The following CMPK1 variants were observed in gnomAD, a reference collection of about 807,000 sequenced individuals.
CMPK1 encodes UMP-CMP kinase.
CMPK1 carries 10 observed loss-of-function variants against 25.7 expected under a neutral mutation model. The observed-to-expected ratio is 0.39, with a 90% CI of 0.24 to 0.66. CMPK1 has a LOEUF of 0.66. Among genes scored for constraint, CMPK1 ranks in the 30% least tolerant of loss-of-function variants. The pLI is 0.48. For missense variants in CMPK1, 199 were observed against 280.5 expected (o/e 0.71, Z 2.08); for synonymous variants, 106 against 101.5 (o/e 1.04, Z -0.27).
intron 2 of CMPK1, 142 bp downstream of exon 2, chr1:47,368,757 C>G (rs564027098): frequency 1.3e-6 from 1 of 751,504 alleles, no homozygotes; most frequent in African/African-American, 1.8e-5. Flanking sequence ...GCCAGGAATT[C>G]AAGACCAGCC....
intron 1 of CMPK1, among the ~76,000 whole-genome samples, chr1:47,354,158 A>T (rs1439776661): frequency 6.6e-6 from 1 of 152,078 alleles, no homozygotes; most frequent in African/African-American, 2.4e-5. Flanking sequence ...CCCCATCTCT[A>T]CAAAAAATAA....
At chr1:47,345,262 G>C (rs899202547) in intron 1 of CMPK1, among the ~76,000 whole-genome samples, 2 of 151,634 alleles carry the variant, frequency 1.3e-5, no homozygotes, top group East Asian at 3.9e-4. Context: ...TCATCCTTCA[G>C]ATCTTAGCTT....
intron 2 of CMPK1, among the ~76,000 whole-genome samples, chr1:47,370,642 T>TA (rs35175280): frequency 0.27 from 36,086 of 133,720 alleles, 5,422 homozygotes; most frequent in East Asian, 0.58. Flanking sequence ...CTCTGTTTCT[T>TA]AAAAAAAAAA....
intron 1 of CMPK1, among the ~76,000 whole-genome samples, chr1:47,341,584 G>T (rs1172624311): frequency 6.6e-6 from 1 of 152,004 alleles, no homozygotes; most frequent in East Asian, 1.9e-4. Flanking sequence ...TTTCTTTATA[G>T]CAGTGTGAGA....
intron 1 of CMPK1, among the ~76,000 whole-genome samples, chr1:47,341,656 T>G (rs952673828): frequency 6.6e-6 from 1 of 152,134 alleles, no homozygotes; most frequent in Non-Finnish European, 1.5e-5. Context: ...ATTTATTTAT[T>G]TGGACAGAGT....
At chr1:47,372,132 C>T (rs1175953388) in intron 2 of CMPK1, among the ~76,000 whole-genome samples, 2 of 150,602 alleles carry the variant, frequency 1.3e-5, no homozygotes, top group East Asian at 3.9e-4. Context: ...CTCACTCTGT[C>T]CGCCAGGCTG....
intron 1 of CMPK1, among the ~76,000 whole-genome samples, chr1:47,363,023 G>A (rs1209123518): frequency 1.3e-5 from 2 of 152,182 alleles, no homozygotes. Context: ...AGGAAAGTAA[G>A]TTCCCCAGGG....
At chr1:47,372,456 G>C (rs1212866070) in intron 2 of CMPK1, among the ~76,000 whole-genome samples, 1 of 152,168 alleles carries the variant, frequency 6.6e-6, no homozygotes, top group African/African-American at 2.4e-5. Flanking sequence ...TGAATTATAT[G>C]AATAGCAGAG....
intron 1 of CMPK1, among the ~76,000 whole-genome samples, chr1:47,346,528 G>A (rs1215012838): frequency 6.7e-6 from 1 of 150,216 alleles, no homozygotes; most frequent in Non-Finnish European, 1.5e-5. Flanking sequence ...TTTTGAGTCG[G>A]AGTTTCACTC....
At chr1:47,359,389 T>TTTC (rs1646586124) in intron 1 of CMPK1, among the ~76,000 whole-genome samples, 2 of 137,994 alleles carry the variant, frequency 1.4e-5, no homozygotes, top group African/African-American at 5.7e-5. Context: ...CTTTTTTCTT[T>TTTC]TTTTTTTTTT....
In CMPK1 at chr1:47,374,874, A is replaced by G. The variant is rs771520158; in HGVS notation, c.472-35A>G. ...CAGGTTAAAAGAATGGCAAATTCAT[A>G]TCTATATTTTTAATAACTTTGTATC... is the stretch of plus-strand genomic sequence containing the variant. On this transcript the variant is annotated intron_variant, in intron 3 of 5. Coordinates refer to ENST00000371873, the MANE Select transcript of CMPK1 (RefSeq NM_016308.3). The G allele has an allele frequency of 2.8e-5, 42 of 1,504,104 alleles. No homozygotes were observed. The Admixed American group carries it at 6.5e-4, about 23-fold the overall frequency. 93.2% of individuals were successfully genotyped at this position (1,504,104 alleles called of 1,614,324 possible).
intron 1 of CMPK1, 31 bp from the exon 2 acceptor site, chr1:47,368,438 C>G (rs1646654177): frequency 1.3e-6 from 2 of 1,560,836 alleles, no homozygotes. Context: ...TGAATGAATT[C>G]TGATATTTTT....
In CMPK1 at chr1:47,334,043, T is replaced by C; in HGVS notation, c.98T>C (p.Met33Thr). 6.4e-7 allele frequency: 1 copy of C among 1,553,668 alleles called. No individual in the cohort carries two copies. The highest frequency in any genetic ancestry group is 8.7e-7 in the Non-Finnish European group (1 of 1,149,916). The part of the protein sequence containing the change: ...RPILLCSPRL[M>T]KPLVVFVLGG... ...ATTCTCCTCTGCTCTCCACGTCTCA[T>C]GAAGCCGCTGGTCGTGTTCGTCCTC... Residue 33 changes from methionine (M) to threonine (T), a missense_variant, in exon 1 of 6, where the codon ATG becomes ACG. Around this residue, in one of 2 missense-constraint regions of CMPK1, gnomAD observed 59 missense variants for 45.1 expected, o/e 1.31. Coordinates refer to ENST00000371873, the MANE Select transcript of CMPK1 (RefSeq NM_016308.3).
At chr1:47,375,053 G>C in intron 4 of CMPK1, 68 bp downstream of exon 4, 1 of 1,382,884 alleles carries the variant, frequency 7.2e-7, no homozygotes, top group Non-Finnish European at 1.0e-6. Context: ...AGGAATAAAA[G>C]AGTCACATTT....
At chr1:47,343,145 C>T (rs1646454252) in intron 1 of CMPK1, among the ~76,000 whole-genome samples, 1 of 151,542 alleles carries the variant, frequency 6.6e-6, no homozygotes, top group Non-Finnish European at 1.5e-5. Context: ...TGCCACCACA[C>T]CCAGTTAATT....
intron 1 of CMPK1, chr1:47,358,542 G>C (rs1646579213): frequency 2.0e-6 from 2 of 1,007,596 alleles, no homozygotes; most frequent in Non-Finnish European, 2.4e-6. Context: ...TATTATTTCT[G>C]TTTTATAAAT....
intron 5 of CMPK1, 64 bp from the exon 6 acceptor site, chr1:47,376,640 C>T: frequency 5.7e-6 from 6 of 1,043,652 alleles, no homozygotes; most frequent in Non-Finnish European, 8.8e-6. Context: ...TTAATAAGAA[C>T]TTAGCTGTAT....
intron 3 of CMPK1, among the ~76,000 whole-genome samples, chr1:47,373,914 A>G (rs139660123): frequency 2.7e-4 from 41 of 152,392 alleles, no homozygotes; most frequent in African/African-American, 9.4e-4. Context: ...ATGAAGCCAG[A>G]CATACTTTTG....
At position 47,352,971 on chromosome 1, in the gene CMPK1, G is replaced by A. The variant is rs568678849; in HGVS notation, c.172-15498G>A. ...TTTAAAAAAAATTACTACTTTTCAA[G>A]CCAAATGATGATTTCTCTCACACTT... On this transcript the variant is annotated intron_variant, in intron 1 of 5. Transcript: ENST00000371873. 4.6e-5 allele frequency among the ~76,000 whole-genome samples: 7 copies of A among 152,270 alleles called. No individual in the cohort carries two copies. In the East Asian group the frequency reaches 1.2e-3, roughly 25 times the overall value.
Sources: allele counts gnomAD v4.1 joint callset (sites outside exome capture counted in the v4.1 genomes callset), GRCh38; gene constraint gnomAD v4.1.1; regional missense constraint gnomAD v4.1.1; transcripts MANE v1.5; gene names NCBI Gene and HGNC (gene_info 2026-07-23, HGNC 2026-07-21).